Variants in LINGO2 observed in about 807,000 individuals in gnomAD.
The protein encoded by LINGO2 is leucine-rich repeat and immunoglobulin-like domain-containing nogo receptor-interacting protein 2.
Under a neutral mutation model 30.6 loss-of-function variants are expected in LINGO2, and 14 were observed. The observed-to-expected ratio is 0.46, with a 90% CI of 0.30 to 0.72. The LOEUF is 0.72. LINGO2 is among the 30% of genes least tolerant of loss of function. The pLI, the probability that LINGO2 is intolerant of heterozygous loss-of-function variation, is 0.07. For missense variants in LINGO2, 729 were observed against 751.7 expected (o/e 0.97, Z 0.35); for synonymous variants, 317 against 288.5 (o/e 1.10, Z -1.00).
intron 1 of LINGO2, among the ~76,000 whole-genome samples, chr9:28,516,149 A>T (rs1179563058): frequency 1.3e-5 from 2 of 152,234 alleles, no homozygotes; most frequent in East Asian, 3.8e-4. Context: ...TTATACTATA[A>T]ACATAACTTT....
intron 4 of LINGO2, among the ~76,000 whole-genome samples, chr9:28,037,046 A>G (rs1219036502): frequency 1.3e-5 from 2 of 152,232 alleles, no homozygotes; most frequent in African/African-American, 4.8e-5. Flanking sequence ...TTATTCATCC[A>G]TGCTGCTGCT....
At position 28,011,326 on chromosome 9, in the gene LINGO2, G is replaced by C. The variant is rs188057020; in HGVS notation, c.-36+1029C>G. 2.0e-5 allele frequency among the ~76,000 whole-genome samples: 3 copies of C among 152,282 alleles called. No homozygotes were observed. In the East Asian group the frequency reaches 5.8e-4, roughly 29 times the overall value. On this transcript the variant is annotated intron_variant, in intron 5 of 5. Transcript: ENST00000379992. Reference sequence around the variant, plus strand: ...ACAGGTTGTTTTAGGAGGTGAGACAGGCCTGGATATTTGGAGAAAAGGAAT... The same window carrying C: ...ACAGGTTGTTTTAGGAGGTGAGACACGCCTGGATATTTGGAGAAAAGGAAT...
the LINGO2 span, among the ~76,000 whole-genome samples, chr9:28,998,551 T>G: frequency 6.6e-6 from 1 of 151,948 alleles, no homozygotes; most frequent in African/African-American, 2.4e-5. Context: ...CAAGAAAAAT[T>G]CCTTAGAATT....
At chr9:29,131,440 G>C in the LINGO2 span, among the ~76,000 whole-genome samples, 1 of 152,042 alleles carries the variant, frequency 6.6e-6, no homozygotes, top group African/African-American at 2.4e-5. Context: ...TGTCAGCTTT[G>C]TTTATCTCCA....
Position 28,278,788 on chromosome 9 carries a change from G to A in LINGO2, c.-87+16420C>T, listed in dbSNP as rs566269133. On this transcript the variant is annotated intron_variant, in intron 4 of 5. Transcript: ENST00000379992. ...CATTCTGCAGCCCATGAATCAAGGA[G>A]TAGTTTTGACTTTTAGGTTTTATTA... Among the ~76,000 whole-genome samples the A allele has an allele frequency of 3.9e-5, 6 of 152,282 alleles. No individual in the cohort carries two copies. The South Asian group carries it at 1.2e-3, about 32-fold the overall frequency.
intron 3 of LINGO2, among the ~76,000 whole-genome samples, chr9:28,364,181 C>A (rs1820566726): frequency 6.6e-6 from 1 of 152,038 alleles, no homozygotes; most frequent in South Asian, 2.1e-4. Flanking sequence ...GCAGATGATT[C>A]TTTATATGAT....
chr9:28,582,478 A>C (rs1473746544), intron 1 of LINGO2, among the ~76,000 whole-genome samples: 1 of 152,004 alleles, frequency 6.6e-6, no homozygotes, highest in African/African-American at 2.4e-5. Flanking sequence ...TAAAAATCTC[A>C]ACCTTCTGAA....
chr9:28,021,220 T>G (rs1823104967), intron 4 of LINGO2, among the ~76,000 whole-genome samples: 1 of 152,146 alleles, frequency 6.6e-6, no homozygotes, highest in African/African-American at 2.4e-5. Context: ...ATAAGTAGTA[T>G]TTTCGTTTTC....
chr9:28,607,347 G>C (rs1825736454), intron 1 of LINGO2, among the ~76,000 whole-genome samples: 1 of 151,866 alleles, frequency 6.6e-6, no homozygotes, highest in African/African-American at 2.4e-5. Context: ...TCATATATTG[G>C]TTTTATCATG....
the LINGO2 span, among the ~76,000 whole-genome samples, chr9:28,888,517 T>C: frequency 6.6e-6 from 1 of 150,576 alleles, no homozygotes; most frequent in Non-Finnish European, 1.5e-5. Context: ...AGGGAATACA[T>C]ATGATTTTTA....
At chr9:29,123,534 T>TA in the LINGO2 span, among the ~76,000 whole-genome samples, 656 of 149,300 alleles carry the variant, frequency 4.4e-3, 12 homozygotes, top group Admixed American at 0.03. Context: ...TCTTATTAGT[T>TA]AAAAAAAAAA....
intron 3 of LINGO2, among the ~76,000 whole-genome samples, chr9:28,304,686 T>C (rs1476883366): frequency 1.3e-5 from 2 of 152,056 alleles, no homozygotes; most frequent in Non-Finnish European, 2.9e-5. Flanking sequence ...TTTTCATTTC[T>C]CTTGGAAGTT....
At chr9:28,062,209 T>C (rs765235914) in intron 4 of LINGO2, among the ~76,000 whole-genome samples, 1 of 152,020 alleles carries the variant, frequency 6.6e-6, no homozygotes, top group Non-Finnish European at 1.5e-5. Flanking sequence ...CAGATTCCCA[T>C]AGAATGCAGT....
At chr9:28,861,338 A>T in the LINGO2 span, among the ~76,000 whole-genome samples, 1 of 131,804 alleles carries the variant, frequency 7.6e-6, no homozygotes, top group Non-Finnish European at 1.6e-5. Flanking sequence ...AATATATATT[A>T]TTAATATATA....
At chr9:28,132,491 A>T (rs192360000) in intron 4 of LINGO2, among the ~76,000 whole-genome samples, 146 of 152,354 alleles carry the variant, frequency 9.6e-4, no homozygotes, top group Non-Finnish European at 1.7e-3. Flanking sequence ...TGTCAGAATT[A>T]TAACCATTGC....
the LINGO2 span, among the ~76,000 whole-genome samples, chr9:28,891,906 G>A: frequency 6.6e-6 from 1 of 151,586 alleles, no homozygotes; most frequent in Non-Finnish European, 1.5e-5. Context: ...AAGTTTATAT[G>A]AGTTTTCTAT....
chr9:28,273,823 C>A (rs561591666), intron 4 of LINGO2, among the ~76,000 whole-genome samples: 1 of 152,192 alleles, frequency 6.6e-6, no homozygotes, highest in African/African-American at 2.4e-5. Context: ...CTGAAGAAAA[C>A]CTTGTAATCT....
chr9:28,272,300 A>G (rs887159234), intron 4 of LINGO2, among the ~76,000 whole-genome samples: 1 of 152,072 alleles, frequency 6.6e-6, no homozygotes, highest in Non-Finnish European at 1.5e-5. Context: ...TGCACTTAGC[A>G]TAAAATCAAG....
At chr9:28,961,212 T>C in the LINGO2 span, among the ~76,000 whole-genome samples, 1 of 152,118 alleles carries the variant, frequency 6.6e-6, no homozygotes, top group African/African-American at 2.4e-5. Flanking sequence ...GTCTGATCTG[T>C]AGCAAGAATG....
Sources: allele counts gnomAD v4.1 joint callset (sites outside exome capture counted in the v4.1 genomes callset), GRCh38; gene constraint gnomAD v4.1.1; transcripts MANE v1.5; gene names NCBI Gene and HGNC (gene_info 2026-07-23, HGNC 2026-07-21).